GDI2: variants seen among roughly 807,000 people sequenced by gnomAD.
The protein encoded by GDI2 is rab GDP dissociation inhibitor beta.
A neutral mutation model predicts 54.2 loss-of-function variants in GDI2; 22 were observed. The ratio of observed to expected loss-of-function variants is 0.41; its 90% CI spans 0.29 to 0.58. The LOEUF (loss-of-function observed/expected upper bound fraction) is 0.58. Ranked by LOEUF, GDI2 falls within the 20% of genes least tolerant of loss-of-function variation. The pLI is 0.35. For synonymous variants in GDI2, 177 were observed against 182.1 expected (o/e 0.97, Z 0.23); for missense variants, 422 against 546.0 (o/e 0.77, Z 2.26).
chr10:5,795,260 C>G (rs1252111883), intron 3 of GDI2, among the ~76,000 whole-genome samples: 1 of 152,104 alleles, frequency 6.6e-6, no homozygotes, highest in African/African-American at 2.4e-5. Context: ...CTCCTGAGTA[C>G]CTGGCACTAC....
At chr10:5,795,805 C>G (rs1242331934) in intron 3 of GDI2, among the ~76,000 whole-genome samples, 3 of 152,102 alleles carry the variant, frequency 2.0e-5, no homozygotes, top group African/African-American at 7.2e-5. Flanking sequence ...GTGGAACACC[C>G]AGGTGTGGTG....
intron 6 of GDI2, among the ~76,000 whole-genome samples, chr10:5,780,273 T>C (rs1324858589): frequency 7.0e-6 from 1 of 143,844 alleles, no homozygotes; most frequent in Non-Finnish European, 1.5e-5. Flanking sequence ...TAAGTGAACT[T>C]AATGTGACAA....
intron 6 of GDI2, 51 bp from the exon 7 acceptor site, chr10:5,773,992 TA>T: frequency 1.3e-6 from 1 of 756,024 alleles, no homozygotes; most frequent in Non-Finnish European, 2.3e-6. Context: ...TTTCAACTCC[TA>T]AAGTCCCCTT....
intron 1 of GDI2, among the ~76,000 whole-genome samples, chr10:5,800,958 T>C (rs1177679968): frequency 6.6e-6 from 1 of 151,918 alleles, no homozygotes; most frequent in East Asian, 1.9e-4. Flanking sequence ...TTTTTTTTTA[T>C]TTATTTTTTG....
chr10:5,812,121 C>A (rs1841489364), intron 1 of GDI2, among the ~76,000 whole-genome samples: 1 of 150,836 alleles, frequency 6.6e-6, no homozygotes, highest in Non-Finnish European at 1.5e-5. Flanking sequence ...TCAAGCAGCC[C>A]AAAGTTAGAA....
chr10:5,772,062 C>A (rs1251989205), intron 7 of GDI2, among the ~76,000 whole-genome samples: 3 of 151,502 alleles, frequency 2.0e-5, no homozygotes, highest in Non-Finnish European at 4.4e-5. Flanking sequence ...GCACTCCAGC[C>A]TGGTGACTGA....
At chr10:5,808,244 G>A in intron 1 of GDI2, among the ~76,000 whole-genome samples, 1 of 152,166 alleles carries the variant, frequency 6.6e-6, no homozygotes, top group East Asian at 1.9e-4. Flanking sequence ...AGGATCATTT[G>A]AGCCTGGAAG....
chr10:5,777,686 G>C (rs759973250), intron 6 of GDI2, among the ~76,000 whole-genome samples: 1 of 152,200 alleles, frequency 6.6e-6, no homozygotes, highest in Admixed American at 6.5e-5. Context: ...CGCTGTTGGT[G>C]GGAGTGTAAA....
At chr10:5,811,928 C>T (rs1841485557) in intron 1 of GDI2, 1 of 1,059,244 alleles carries the variant, frequency 9.4e-7, no homozygotes, top group Non-Finnish European at 1.2e-6. Context: ...TGCCTAGAGA[C>T]ATCTAAAAGT....
intron 7 of GDI2, among the ~76,000 whole-genome samples, chr10:5,770,994 A>G (rs1012122598): frequency 6.1e-5 from 9 of 146,908 alleles, no homozygotes; most frequent in African/African-American, 2.2e-4. Context: ...AAAAGATGGT[A>G]AATTTTATGG....
chr10:5,801,852 T>C (rs1841276210), intron 1 of GDI2, among the ~76,000 whole-genome samples: 1 of 151,542 alleles, frequency 6.6e-6, no homozygotes, highest in African/African-American at 2.4e-5. Context: ...CTCTACTAAA[T>C]ACACAAAAAT....
intron 1 of GDI2, chr10:5,811,904 C>G (rs1841485161): frequency 8.7e-7 from 1 of 1,150,374 alleles, no homozygotes; most frequent in Non-Finnish European, 1.1e-6. Context: ...AATAAAAGTT[C>G]GAAGGTTTTC....
intron 2 of GDI2, among the ~76,000 whole-genome samples, chr10:5,800,337 T>TGC (rs1285719765): frequency 1.3e-5 from 2 of 152,150 alleles, no homozygotes; most frequent in African/African-American, 4.8e-5. Flanking sequence ...GCACTGGACT[T>TGC]GCGCTGGCAC....
At chr10:5,803,532 A>C (rs1347168913) in intron 1 of GDI2, among the ~76,000 whole-genome samples, 2 of 152,218 alleles carry the variant, frequency 1.3e-5, no homozygotes, top group African/African-American at 2.4e-5. Context: ...TAATATGATA[A>C]ATATCAATAG....
intron 1 of GDI2, among the ~76,000 whole-genome samples, chr10:5,810,065 G>C (rs1340222340): frequency 6.6e-6 from 1 of 152,152 alleles, no homozygotes; most frequent in Non-Finnish European, 1.5e-5. Flanking sequence ...GCAAATCAAA[G>C]ATTAAGCAAA....
At chr10:5,805,476 G>A (rs932542855) in intron 1 of GDI2, among the ~76,000 whole-genome samples, 1 of 151,650 alleles carries the variant, frequency 6.6e-6, no homozygotes, top group Non-Finnish European at 1.5e-5. Context: ...CAACCTCCAG[G>A]CTCAAGAGAT....
chr10:5,796,364 A>C (rs1841148706), intron 3 of GDI2, among the ~76,000 whole-genome samples: 1 of 152,082 alleles, frequency 6.6e-6, no homozygotes, highest in Non-Finnish European at 1.5e-5. Context: ...AAAAAAAAGA[A>C]AAAGAAAACT....
At chr10:5,812,918 CCTCCG>C (rs1434531702) in intron 1 of GDI2, among the ~76,000 whole-genome samples, 3 of 152,244 alleles carry the variant, frequency 2.0e-5, no homozygotes, top group Admixed American at 6.5e-5. Flanking sequence ...TCTCCCCTCC[CCTCCG>C]CTTCCGCTGG....
chr10:5,766,163 A>G lies in GDI2; in HGVS notation c.1192-11T>C. The stretch of plus-strand genomic sequence containing the variant: ...GCGGGAAATAAAGATCTGAAAACAA[A>G]AATTACGAAGACTTAAGACCATGGA... On this transcript the variant is annotated splice_polypyrimidine_tract_variant and intron_variant, in intron 10 of 10. Transcript: ENST00000380191. This position sits in a 1 kb window ranked among gnomAD's most constrained non-coding sequence, Gnocchi z 5.8. 6.2e-7 allele frequency: 1 copy of G among 1,613,788 alleles called. No individual in the cohort carries two copies. The highest frequency in any genetic ancestry group is 8.5e-7 in the Non-Finnish European group (1 of 1,179,684).
Sources: gnomAD v4.1 joint callset for allele counts (sites outside exome capture counted in the v4.1 genomes callset) on GRCh38, gnomAD v4.1.1 for gene constraint, Gnocchi (gnomAD v3.1) non-coding constraint, MANE v1.5 for transcripts, NCBI Gene and HGNC (gene_info 2026-07-23, HGNC 2026-07-21) for gene names.